GOLGB1: variants seen among roughly 807,000 people sequenced by gnomAD.
GOLGB1 encodes golgin B1.
A neutral mutation model predicts 336.9 loss-of-function variants in GOLGB1; 174 were observed. The observed-to-expected ratio is 0.52, with a 90% CI of 0.46 to 0.59. GOLGB1 has a LOEUF of 0.59. Among genes scored for constraint, GOLGB1 ranks in the 20% least tolerant of loss-of-function variants. The pLI is 0.00. For synonymous variants in GOLGB1, 1,208 were observed against 1,289.2 expected (o/e 0.94, Z 1.35); for missense variants, 3,331 against 3,645.3 (o/e 0.91, Z 2.22).
chr3:121,736,968 AT>A (rs1946516840), intron 1 of GOLGB1, among the ~76,000 whole-genome samples: 1 of 152,198 alleles, frequency 6.6e-6, no homozygotes, highest in Non-Finnish European at 1.5e-5. Context: ...CAATAAGGAC[AT>A]TACTGGAAAA....
At chr3:121,729,384 C>T (rs1447136398) in intron 3 of GOLGB1, 44 bp from the exon 4 acceptor site, 10 of 1,463,568 alleles carry the variant, frequency 6.8e-6, no homozygotes, top group Admixed American at 3.6e-5. Context: ...GTTTATTCCC[C>T]TCTTATCTAG....
At chr3:121,676,110 C>G (rs554246167) in intron 17 of GOLGB1, among the ~76,000 whole-genome samples, 2 of 152,348 alleles carry the variant, frequency 1.3e-5, no homozygotes, top group African/African-American at 4.8e-5. Context: ...GCAAATGTCT[C>G]CTCTCTGATA....
intron 10 of GOLGB1, among the ~76,000 whole-genome samples, chr3:121,703,649 A>G (rs1943582567): frequency 6.6e-6 from 1 of 152,338 alleles, no homozygotes; most frequent in East Asian, 1.9e-4. Context: ...TTGGGGTTTG[A>G]GTCCAACTTA....
chr3:121,690,590 T>G (rs1020095179), intron 14 of GOLGB1, 80 bp downstream of exon 14: 3 of 704,974 alleles, frequency 4.3e-6, no homozygotes, highest in Middle Eastern at 4.1e-4. Context: ...AGAATGTGTT[T>G]ATCCTTTTCT....
rs1942391764 is a variant in GOLGB1, at chr3:121,691,283, T to A, written c.8081A>T (p.His2694Leu). 2 of 1,613,786 alleles carry A rather than the reference T, an allele frequency of 1.2e-6. No homozygotes were observed. Among genetic ancestry groups the A allele is most frequent in the Non-Finnish European group, 1.7e-6 (2 of 1,179,942 alleles). ...KLKKELKHLH[H>L]DAGIMRNETE... Reference sequence around the variant, plus strand: ...TTCATTTCTCATTATCCCTGCATCATGATGAAGATGCTTTAATTCTTTCTT... The same window carrying A: ...TTCATTTCTCATTATCCCTGCATCAAGATGAAGATGCTTTAATTCTTTCTT... Residue 2694 changes from histidine to leucine, a missense_variant, in exon 14 of 22, where the codon CAT (histidine) becomes CTT (leucine). His to Leu is a moderately conservative substitution (Grantham distance 99). Coordinates refer to ENST00000614479, the MANE Select transcript of GOLGB1 (RefSeq NM_001366282.2).
intron 15 of GOLGB1, among the ~76,000 whole-genome samples, chr3:121,678,710 G>T (rs1940711928): frequency 6.6e-6 from 1 of 152,106 alleles, no homozygotes; most frequent in Non-Finnish European, 1.5e-5. Context: ...TGGGATTACA[G>T]GCGCACGCCA....
chr3:121,736,822 T>C (rs1170180916), intron 1 of GOLGB1, among the ~76,000 whole-genome samples: 1 of 152,166 alleles, frequency 6.6e-6, no homozygotes, highest in Non-Finnish European at 1.5e-5. Flanking sequence ...GAGAATCACT[T>C]GAACCTGGGA....
At chr3:121,719,227 T>C (rs1021471531) in intron 7 of GOLGB1, among the ~76,000 whole-genome samples, 1 of 152,170 alleles carries the variant, frequency 6.6e-6, no homozygotes, top group African/African-American at 2.4e-5. Flanking sequence ...CAAATTTTTT[T>C]AAAAAAGAAT....
intron 4 of GOLGB1, among the ~76,000 whole-genome samples, chr3:121,728,029 TA>T (rs1477463493): frequency 1.3e-5 from 2 of 152,086 alleles, no homozygotes; most frequent in Non-Finnish European, 2.9e-5. Flanking sequence ...ATGGATAATT[TA>T]AAAATCTGAC....
At chr3:121,700,306 C>T (rs1943289533) in intron 11 of GOLGB1, among the ~76,000 whole-genome samples, 1 of 151,992 alleles carries the variant, frequency 6.6e-6, no homozygotes, top group Non-Finnish European at 1.5e-5. Flanking sequence ...CAAATTTTAG[C>T]ACTAAAAGGG....
chr3:121,708,609 G>T (rs546481641), intron 10 of GOLGB1, among the ~76,000 whole-genome samples: 1 of 152,078 alleles, frequency 6.6e-6, no homozygotes, highest in East Asian at 1.9e-4. Flanking sequence ...CTCCAGCCTG[G>T]GTGAGAGAAC....
intron 1 of GOLGB1, among the ~76,000 whole-genome samples, chr3:121,740,007 T>C (rs1946741059): frequency 1.3e-5 from 2 of 152,142 alleles, no homozygotes; most frequent in South Asian, 4.1e-4. Context: ...ATTTTTGAAA[T>C]GACAAAATTT....
rs764086634 is a variant in GOLGB1 at position 121,697,702 on chromosome 3, T to C, written c.2821A>G (p.Asn941Asp). Residue 941 changes from asparagine to aspartate, a missense_variant, in exon 13 of 22, where the codon AAT becomes GAT. Physicochemically the swap from Asn to Asp is conservative, Grantham distance 23. Coordinates refer to ENST00000614479, the MANE Select transcript of GOLGB1 (RefSeq NM_001366282.2). ...GCTTCCTCAGCTCTGGATAATAAAT[T>C]TAGCTGTTCTTTAAGAGTCTTAATT... ...VEIKTLKEQLNLLSRAEEAKK... is the reference protein window; with the variant it reads ...VEIKTLKEQLDLLSRAEEAKK... 7 of 1,613,738 alleles carry C rather than the reference T, an allele frequency of 4.3e-6. No homozygotes were observed. The East Asian group carries it at 1.6e-4, about 36-fold the overall frequency.
chr3:121,693,576 A>G (rs911381162), intron 13 of GOLGB1, among the ~76,000 whole-genome samples, 165 bp downstream of exon 13: 1 of 152,236 alleles, frequency 6.6e-6, no homozygotes, highest in Non-Finnish European at 1.5e-5. Context: ...CAGTTGTAGC[A>G]GGATTGTTGT....
intron 14 of GOLGB1, among the ~76,000 whole-genome samples, chr3:121,683,911 C>T (rs957734282): frequency 9.2e-5 from 14 of 151,764 alleles, no homozygotes; most frequent in Admixed American, 6.6e-4. Context: ...GGGCAGATCA[C>T]GAGGTCAAGA....
rs773927421 is a variant in GOLGB1 at position 121,729,915 on chromosome 3, T to C, written c.199A>G (p.Ile67Val). The C allele has an allele frequency of 1.2e-5, 19 of 1,611,682 alleles. No individual in the cohort carries two copies. The South Asian group carries it at 1.8e-4, about 15-fold the overall frequency. Residue 67 changes from isoleucine to valine, a missense_variant, in exon 3 of 22, where the codon ATT becomes GTT. Ile to Val is a conservative substitution (Grantham distance 29). Coordinates refer to ENST00000614479, the MANE Select transcript of GOLGB1 (RefSeq NM_001366282.2). ...AEQLVVELKD[I>V]IRQKDVQLQQ... ...AGTTGAACATCCTTCTGTCTAATAATATCTTTTAGCTCCACCACCAATTGC... is the reference window on the plus strand; with the variant it reads ...AGTTGAACATCCTTCTGTCTAATAACATCTTTTAGCTCCACCACCAATTGC...
intron 14 of GOLGB1, among the ~76,000 whole-genome samples, chr3:121,686,392 C>A (rs1379395234): frequency 6.6e-6 from 1 of 152,150 alleles, no homozygotes; most frequent in East Asian, 1.9e-4. Flanking sequence ...TAACCTTACT[C>A]CTGGTTTGAT....
At chr3:121,665,735 G>T (rs1938524313) in intron 20 of GOLGB1, among the ~76,000 whole-genome samples, 1 of 152,196 alleles carries the variant, frequency 6.6e-6, no homozygotes, top group South Asian at 2.1e-4. Context: ...TCAAGCATTT[G>T]CCTATAGGGA....
Position 121,697,820 on chromosome 3 carries a change from G to A in GOLGB1, c.2703C>T (p.Ile901=), listed in dbSNP as rs769441768. The change falls in exon 13 of 22, where the codon ATC becomes ATT. Residue 901 remains isoleucine, a synonymous_variant. Transcript: ENST00000614479. The part of the protein sequence containing the change: ...KRDVETLQQT[I]EEKDQQVTEI... Reference sequence around the variant, plus strand: ...CTGTCACTTGTTGATCCTTCTCCTCGATGGTTTGTTGGAGGGTTTCCACAT... The same window carrying A: ...CTGTCACTTGTTGATCCTTCTCCTCAATGGTTTGTTGGAGGGTTTCCACAT... The A allele has an allele frequency of 5.6e-6, 9 of 1,613,988 alleles. No homozygotes were observed. In the South Asian group the frequency reaches 6.6e-5, roughly 12 times the overall value.
Sources: allele counts gnomAD v4.1 joint callset (sites outside exome capture counted in the v4.1 genomes callset), GRCh38; gene constraint gnomAD v4.1.1; transcripts MANE v1.5; gene names NCBI Gene and HGNC (gene_info 2026-07-23, HGNC 2026-07-21).